NPAS3: variants seen among roughly 807,000 people sequenced by gnomAD.
NPAS3 encodes neuronal PAS domain-containing protein 3.
Under a neutral mutation model 73.1 loss-of-function variants are expected in NPAS3, and 14 were observed. The ratio of observed to expected loss-of-function variants is 0.19; its 90% CI spans 0.13 to 0.30. The LOEUF (loss-of-function observed/expected upper bound fraction) is 0.30. NPAS3 is among the 10% of genes least tolerant of loss of function. The pLI is 1.00. For missense variants in NPAS3, 1,096 were observed against 1,250.0 expected, an observed-to-expected ratio of 0.88 and a Z score of 1.86; for synonymous variants, 620 against 541.5, an observed-to-expected ratio of 1.14 and a Z score of -2.01.
intron 6 of NPAS3, among the ~76,000 whole-genome samples, chr14:33,705,298 T>G (rs2060625953): frequency 6.6e-6 from 1 of 151,806 alleles, no homozygotes; most frequent in Admixed American, 6.6e-5. Context: ...TCTGTGAGGT[T>G]AGTAGCATCT....
intron 1 of NPAS3, among the ~76,000 whole-genome samples, chr14:32,988,020 A>G (rs927236499): frequency 6.6e-6 from 1 of 152,172 alleles, no homozygotes; most frequent in Non-Finnish European, 1.5e-5. Context: ...CTGATTCTAC[A>G]TCAATAGGAG....
At chr14:33,345,999 G>A (rs1047182632) in intron 3 of NPAS3, among the ~76,000 whole-genome samples, 4 of 151,928 alleles carry the variant, frequency 2.6e-5, no homozygotes, top group East Asian at 1.9e-4. Flanking sequence ...TTGGGAGGTC[G>A]AGGCAGGAGG....
intron 4 of NPAS3, among the ~76,000 whole-genome samples, chr14:33,476,163 G>A (rs1238733920): frequency 6.6e-6 from 1 of 152,150 alleles, no homozygotes; most frequent in African/African-American, 2.4e-5. Context: ...ATATAGATAT[G>A]AGCTGTCAGA....
intron 2 of NPAS3, among the ~76,000 whole-genome samples, chr14:33,091,372 A>G (rs1482480319): frequency 6.6e-6 from 1 of 152,246 alleles, no homozygotes; most frequent in Non-Finnish European, 1.5e-5. Context: ...CTCTACACAA[A>G]TAAACTAGAA....
chr14:33,021,183 C>A (rs187566668), intron 1 of NPAS3, among the ~76,000 whole-genome samples: 150 of 152,330 alleles, frequency 9.8e-4, no homozygotes, highest in African/African-American at 3.5e-3. Context: ...AAGTGCCTTG[C>A]AGAGGGCCTG....
At chr14:33,755,286 A>T (rs1043114228) in intron 7 of NPAS3, among the ~76,000 whole-genome samples, 1 of 152,174 alleles carries the variant, frequency 6.6e-6, no homozygotes, top group Non-Finnish European at 1.5e-5. Context: ...GCATTTCAGA[A>T]TATATTGGCT....
chr14:33,640,731 G>A (rs1244393212), intron 5 of NPAS3, among the ~76,000 whole-genome samples: 1 of 152,126 alleles, frequency 6.6e-6, no homozygotes, highest in Non-Finnish European at 1.5e-5. Context: ...ATATTGACAG[G>A]GAAATAATCT....
chr14:32,981,367 A>G (rs2037889939), intron 1 of NPAS3, among the ~76,000 whole-genome samples: 1 of 152,242 alleles, frequency 6.6e-6, no homozygotes, highest in African/African-American at 2.4e-5. Flanking sequence ...TGGAACATGC[A>G]TCTTGAGACT....
intron 3 of NPAS3, among the ~76,000 whole-genome samples, chr14:33,292,857 C>G (rs2042155426): frequency 6.6e-6 from 1 of 152,114 alleles, no homozygotes; most frequent in Admixed American, 6.6e-5. Flanking sequence ...TGATGCAAGA[C>G]AAATTCTTTC....
intron 2 of NPAS3, among the ~76,000 whole-genome samples, chr14:33,164,839 CTT>C (rs202227911): frequency 0.039 from 5,590 of 141,820 alleles, 192 homozygotes; most frequent in East Asian, 0.13. Context: ...ACAGGTGACT[CTT>C]TTTTTTTTTT....
chr14:33,083,221 ACTTTGC>A (rs3057437), intron 2 of NPAS3, among the ~76,000 whole-genome samples: 107,019 of 122,134 alleles, frequency 0.88, 47,237 homozygotes, highest in Middle Eastern at 0.94. Context: ...AAAAGAAGGG[ACTTTGC>A]CTTTGCCTCC....
intron 4 of NPAS3, among the ~76,000 whole-genome samples, chr14:33,417,774 G>T (rs898164724): frequency 1.3e-5 from 2 of 151,706 alleles, no homozygotes; most frequent in African/African-American, 4.8e-5. Flanking sequence ...AAAAACATGA[G>T]GAGATCTCAC....
chr14:33,302,677 T>C (rs1428360374), intron 3 of NPAS3, among the ~76,000 whole-genome samples: 2 of 152,216 alleles, frequency 1.3e-5, no homozygotes, highest in Non-Finnish European at 2.9e-5. Context: ...GATGGCTTTA[T>C]TCCCACAGTC....
At chr14:33,040,021 C>T (rs1190657469) in intron 1 of NPAS3, among the ~76,000 whole-genome samples, 1 of 152,144 alleles carries the variant, frequency 6.6e-6, no homozygotes, top group Admixed American at 6.6e-5. Flanking sequence ...TACAAGGCCT[C>T]CCTCAAGAAA....
chr14:33,445,633 T>TA (rs2049452510), intron 4 of NPAS3, among the ~76,000 whole-genome samples: 1 of 152,246 alleles, frequency 6.6e-6, no homozygotes, highest in African/African-American at 2.4e-5. Context: ...GATGAAGATA[T>TA]TTCCCCAAGG....
At chr14:33,191,002 C>T (rs2046152009) in intron 2 of NPAS3, among the ~76,000 whole-genome samples, 1 of 152,168 alleles carries the variant, frequency 6.6e-6, no homozygotes, top group Non-Finnish European at 1.5e-5. Context: ...CCATAAGTCA[C>T]ATGATGTATT....
At chr14:33,020,363 C>T (rs1200057217) in intron 1 of NPAS3, among the ~76,000 whole-genome samples, 3 of 152,160 alleles carry the variant, frequency 2.0e-5, no homozygotes, top group Non-Finnish European at 2.9e-5. Context: ...GCTGTATCAC[C>T]ATGGAAAAGT....
chr14:33,782,848 TAA>T (rs1215414254), intron 9 of NPAS3, among the ~76,000 whole-genome samples: 13 of 146,948 alleles, frequency 8.8e-5, no homozygotes, highest in Non-Finnish European at 1.4e-4. Flanking sequence ...AACAGTAGCT[TAA>T]GTGTTTATTT....
chr14:33,258,005 G>A (rs2048839235), intron 3 of NPAS3, among the ~76,000 whole-genome samples: 1 of 152,132 alleles, frequency 6.6e-6, no homozygotes. Context: ...GAAATATGAG[G>A]CTTATTTTGG....
Sources: gnomAD v4.1 joint callset for allele counts (sites outside exome capture counted in the v4.1 genomes callset) on GRCh38, gnomAD v4.1.1 for gene constraint, MANE v1.5 for transcripts, NCBI Gene and HGNC (gene_info 2026-07-23, HGNC 2026-07-21) for gene names.